The following GSR variants were observed in gnomAD, a reference collection of about 807,000 sequenced individuals.
GSR encodes the protein glutathione-disulfide reductase.
In GSR, 48 loss-of-function variants were observed where a neutral mutation model predicts 56.5. The observed-to-expected ratio is 0.85, with a 90% CI of 0.67 to 1.08. GSR has a LOEUF of 1.08. Among genes scored for constraint, GSR ranks in the 50% least tolerant of loss-of-function variants. GSR has a pLI of 0.00. For missense variants in GSR, 694 were observed against 703.3 expected, an observed-to-expected ratio of 0.99 and a Z score of 0.15; for synonymous variants, 264 against 270.8, an observed-to-expected ratio of 0.97 and a Z score of 0.25.
intron 6 of GSR, among the ~76,000 whole-genome samples, chr8:30,698,992 T>C (rs1803638544): frequency 6.6e-6 from 1 of 152,182 alleles, no homozygotes; most frequent in Non-Finnish European, 1.5e-5. Context: ...TGCCCCTCTA[T>C]GAATCTAAAT....
rs1487550820 is a variant in GSR at position 30,678,976 on chromosome 8, C to G, written c.*544G>C. On this transcript the variant is annotated 3_prime_UTR_variant, in exon 13 of 13. Coordinates refer to ENST00000221130, the MANE Select transcript of GSR (RefSeq NM_000637.5). Reference sequence around the variant, plus strand: ...ACCAGCCTGACCAACATGGAGAAACCCCATGTCTACTAAAAATACAAAATT... The same window carrying G: ...ACCAGCCTGACCAACATGGAGAAACGCCATGTCTACTAAAAATACAAAATT... 6.5e-6 allele frequency: 1 copy of G among 153,848 alleles called. No individual in the cohort carries two copies. The highest frequency in any genetic ancestry group is 1.9e-4 in the East Asian group (1 of 5,224). 9.5% of individuals were successfully genotyped at this position (153,848 alleles called of 1,614,324 possible). A position where few individuals can be genotyped will look rare whatever the true frequency, so the allele number is the denominator to read the frequency against.
chr8:30,684,739 C>T (rs1803094735), intron 9 of GSR, among the ~76,000 whole-genome samples: 1 of 151,886 alleles, frequency 6.6e-6, no homozygotes, highest in Admixed American at 6.6e-5. Context: ...TCACCAAAAG[C>T]ATATCTATGT....
chr8:30,684,499 A>G (rs190788720), intron 9 of GSR, among the ~76,000 whole-genome samples: 4 of 150,384 alleles, frequency 2.7e-5, no homozygotes, highest in Non-Finnish European at 5.9e-5. Flanking sequence ...TAGAAATTAG[A>G]AAAAAAAAAG....
At chr8:30,697,450 C>CAAA (rs796716517) in intron 6 of GSR, among the ~76,000 whole-genome samples, 9 of 149,820 alleles carry the variant, frequency 6.0e-5, no homozygotes, top group African/African-American at 2.2e-4. Context: ...AACAAACAAA[C>CAAA]AAAAAACCCC....
Position 30,678,531 on chromosome 8 carries a change from T to C in GSR, c.*989A>G, listed in dbSNP as rs1325936272. 6.6e-6 allele frequency: 1 copy of C among 151,732 alleles called. No individual in the cohort carries two copies. The highest frequency in any genetic ancestry group is 1.5e-5 in the Non-Finnish European group (1 of 67,968). 9.4% of individuals were successfully genotyped at this position (151,732 alleles called of 1,614,324 possible). On this transcript the variant is annotated 3_prime_UTR_variant, in exon 13 of 13. Transcript: ENST00000221130. ...GCACATCACCACACTCGGGTAATTT[T>C]TTTTACTCTCTGTAGAGATGCAGTC... is the stretch of plus-strand genomic sequence containing the variant.
At chr8:30,714,202 C>CTTTTT (rs33969608) in intron 1 of GSR, among the ~76,000 whole-genome samples, 1 of 63,960 alleles carries the variant, frequency 1.6e-5, no homozygotes, top group African/African-American at 6.3e-5. Flanking sequence ...GTTCTATATG[C>CTTTTT]TTTTTTTTTT....
At chr8:30,701,098 C>A (rs1306267344) in intron 5 of GSR, among the ~76,000 whole-genome samples, 2 of 152,204 alleles carry the variant, frequency 1.3e-5, no homozygotes, top group African/African-American at 4.8e-5. Flanking sequence ...CCCAATAATG[C>A]AGACAAAGCC....
intron 1 of GSR, among the ~76,000 whole-genome samples, chr8:30,723,769 GT>G: frequency 7.8e-6 from 1 of 128,082 alleles, no homozygotes; most frequent in Non-Finnish European, 1.6e-5. Flanking sequence ...TCCAGCCTGG[GT>G]GACAGAGCAA....
At chr8:30,724,990 G>A (rs1004996924) in intron 1 of GSR, among the ~76,000 whole-genome samples, 4 of 152,214 alleles carry the variant, frequency 2.6e-5, no homozygotes, top group Non-Finnish European at 5.9e-5. Context: ...CAGTATTTGT[G>A]TGATTCAGTT....
rs10715710 is a variant in GSR, at chr8:30,679,706, CTT to C, written c.1420-39_1420-38del. ...AGAGAAACATTTTCTTTTCTTTCTT[CTT>C]TTTTTTTTTTTTTTGAGACGGAGTT... On this transcript the variant is annotated intron_variant, in intron 12 of 12. Coordinates refer to ENST00000221130, the MANE Select transcript of GSR (RefSeq NM_000637.5). 148,575 of 1,213,742 alleles carry C rather than the reference CTT, an allele frequency of 0.12. 1 individual carries two copies. Among genetic ancestry groups the C allele is most frequent in the East Asian group, 0.16 (5,439 of 32,988 alleles). 75.2% of individuals were successfully genotyped at this position (1,213,742 alleles called of 1,614,324 possible).
At position 30,693,052 on chromosome 8, in the gene GSR, G is replaced by A; in HGVS notation, c.799C>T (p.Leu267Phe). ...CTGATCATTGAATCAAAACTTCTAA[G>A]TACCTGCATATCAACATAGGGATGG... ...TSLMIRHDKVLRSFDSMISTN... is the reference protein window; with the variant it reads ...TSLMIRHDKVFRSFDSMISTN... Residue 267 changes from leucine (L) to phenylalanine (F), a missense_variant, in exon 8 of 13, where the codon CTT becomes TTT. Leu to Phe is a conservative substitution (Grantham distance 22). Coordinates refer to ENST00000221130, the MANE Select transcript of GSR (RefSeq NM_000637.5). 1.3e-6 allele frequency: 2 copies of A among 1,595,314 alleles called. No homozygotes were observed. Among genetic ancestry groups the A allele is most frequent in the Non-Finnish European group, 1.7e-6 (2 of 1,163,328 alleles).
At chr8:30,722,922 T>G (rs1308505258) in intron 1 of GSR, among the ~76,000 whole-genome samples, 1 of 152,120 alleles carries the variant, frequency 6.6e-6, no homozygotes, top group Non-Finnish European at 1.5e-5. Flanking sequence ...TCAAAGCCCC[T>G]ACCTCTCTCT....
Position 30,693,013 on chromosome 8 carries a change from C to T in GSR, c.838G>A (p.Glu280Lys). The T allele has an allele frequency of 1.2e-6, 2 of 1,613,126 alleles. No homozygotes were observed. The highest frequency in any genetic ancestry group is 1.7e-6 in the Non-Finnish European group (2 of 1,179,370). ...TCCACGCCAGCGTTCTCCAGCTCCT[C>T]CGTGCAGTTGGTGCTGATCATTGAA... ...FDSMISTNCT[E>K]ELENAGVEVL... is the part of the protein sequence containing the mutation. The change falls in exon 8 of 13, where the codon GAG (glutamate) becomes AAG (lysine). Residue 280 changes from glutamate to lysine, a missense_variant. Physicochemically the swap from Glu to Lys is moderately conservative, Grantham distance 56. Transcript: ENST00000221130.
At chr8:30,722,015 A>C (rs1030385093) in intron 1 of GSR, among the ~76,000 whole-genome samples, 1 of 147,554 alleles carries the variant, frequency 6.8e-6, no homozygotes, top group East Asian at 2.0e-4. Flanking sequence ...CTCTGTCTCA[A>C]AAAAAAAAAA....
chr8:30,710,531 A>G (rs1804092536), intron 2 of GSR, among the ~76,000 whole-genome samples: 1 of 151,288 alleles, frequency 6.6e-6, no homozygotes, highest in South Asian at 2.1e-4. Flanking sequence ...ATCTTGGCCA[A>G]CATGGTGAAA....
At chr8:30,714,246 C>T (rs1804252200) in intron 1 of GSR, among the ~76,000 whole-genome samples, 1 of 106,296 alleles carries the variant, frequency 9.4e-6, no homozygotes, top group African/African-American at 3.7e-5. Flanking sequence ...GAGTCTTGCT[C>T]TGTCACTCAG....
intron 4 of GSR, among the ~76,000 whole-genome samples, chr8:30,705,532 G>A (rs1177279900): frequency 2.6e-5 from 4 of 152,112 alleles, no homozygotes; most frequent in Non-Finnish European, 5.9e-5. Flanking sequence ...AAAGTACTGG[G>A]ATTACAGGTG....
chr8:30,703,163 C>T lies in GSR; in HGVS notation c.570G>A (p.Lys190=), dbSNP rs913099157. 3.1e-6 allele frequency: 5 copies of T among 1,613,970 alleles called. No homozygotes were observed. The African/African-American group carries it at 6.7e-5, about 22-fold the overall frequency. ...CGATCAGGATGTGTGGGGCGGTGTA[C>T]TTTTTCCCACTGACCTCTATTGTGG... ...PKPTIEVSGK[K]YTAPHILIAT... is the part of the protein sequence containing the mutation. Residue 190 remains lysine (K), a synonymous_variant, in exon 5 of 13, where the codon AAG becomes AAA. Coordinates refer to ENST00000221130, the MANE Select transcript of GSR (RefSeq NM_000637.5).
chr8:30,700,747 A>AAAAAAAAAAAAAAAAC (rs1803709164), intron 5 of GSR, among the ~76,000 whole-genome samples: 1 of 135,786 alleles, frequency 7.4e-6, no homozygotes, highest in Non-Finnish European at 1.6e-5. Context: ...AAAAAAAAAA[A>AAAAAAAAAAAAAAAAC]AAATCGACGT....
Sources: allele counts gnomAD v4.1 joint callset (sites outside exome capture counted in the v4.1 genomes callset), GRCh38; gene constraint gnomAD v4.1.1; transcripts MANE v1.5; gene names NCBI Gene and HGNC (gene_info 2026-07-23, HGNC 2026-07-21).